HSD17B12: variants seen among roughly 807,000 people sequenced by gnomAD.
HSD17B12 encodes the protein very-long-chain 3-oxoacyl-CoA reductase.
In HSD17B12, 32 loss-of-function variants were observed where a neutral mutation model predicts 39.3. The ratio of observed to expected loss-of-function variants is 0.81; its 90% CI spans 0.61 to 1.09. HSD17B12 has a LOEUF of 1.09. HSD17B12 is among the 50% of genes least tolerant of loss of function. The pLI is 0.00. For synonymous variants in HSD17B12, 150 were observed against 146.7 expected, an observed-to-expected ratio of 1.02 and a Z score of -0.16; for missense variants, 342 against 382.9, an observed-to-expected ratio of 0.89 and a Z score of 0.89.
chr11:43,582,955 C>A, the HSD17B12 span, among the ~76,000 whole-genome samples: 1 of 152,332 alleles, frequency 6.6e-6, no homozygotes, highest in East Asian at 1.9e-4. Context: ...GGGGATTTTC[C>A]TCCCTGCCTC....
the HSD17B12 span, among the ~76,000 whole-genome samples, chr11:43,673,719 C>T: frequency 1.3e-5 from 2 of 151,286 alleles, no homozygotes; most frequent in South Asian, 2.1e-4. Context: ...GACAGGGTTT[C>T]GCTATATTGC....
chr11:43,832,332 A>G (rs1443156590), intron 7 of HSD17B12, among the ~76,000 whole-genome samples: 1 of 152,244 alleles, frequency 6.6e-6, no homozygotes, highest in African/African-American at 2.4e-5. Context: ...CCATTAAAAA[A>G]GAAACACTTA....
At chr11:43,594,142 A>C in the HSD17B12 span, among the ~76,000 whole-genome samples, 3 of 152,220 alleles carry the variant, frequency 2.0e-5, no homozygotes, top group Admixed American at 6.5e-5. Context: ...TTTCTGAGTC[A>C]TAACGATAGT....
intron 9 of HSD17B12, among the ~76,000 whole-genome samples, chr11:43,847,324 T>G (rs1365247189): frequency 6.6e-6 from 1 of 152,204 alleles, no homozygotes; most frequent in Non-Finnish European, 1.5e-5. Context: ...AACTTTCAGC[T>G]GCCCTGAAAA....
At chr11:43,694,135 T>G (rs1460327628) in intron 1 of HSD17B12, among the ~76,000 whole-genome samples, 1 of 152,232 alleles carries the variant, frequency 6.6e-6, no homozygotes, top group Non-Finnish European at 1.5e-5. Context: ...TCAAGTATTC[T>G]TGAATTATTT....
the HSD17B12 span, chr11:43,579,084 G>T: frequency 7.5e-6 from 1 of 133,626 alleles, no homozygotes; most frequent in East Asian, 2.8e-4. Flanking sequence ...GGGGGCGGGG[G>T]GGCACCAAAT....
chr11:43,782,328 T>C (rs1231397156), intron 3 of HSD17B12, among the ~76,000 whole-genome samples: 1 of 152,120 alleles, frequency 6.6e-6, no homozygotes, highest in Non-Finnish European at 1.5e-5. Context: ...TAACCAAACC[T>C]GGATAAATTG....
At chr11:43,687,808 G>C (rs1397837641) in intron 1 of HSD17B12, among the ~76,000 whole-genome samples, 2 of 152,238 alleles carry the variant, frequency 1.3e-5, no homozygotes, top group Non-Finnish European at 2.9e-5. Context: ...CGAATTTCTT[G>C]TTTCTATGAC....
At chr11:43,852,738 G>GA (rs1309526343) in intron 9 of HSD17B12, 1 of 152,116 alleles carries the variant, frequency 6.6e-6, no homozygotes, top group Admixed American at 6.5e-5. Flanking sequence ...GTCCTTAAAA[G>GA]ATGTGACAAA....
intron 3 of HSD17B12, among the ~76,000 whole-genome samples, chr11:43,775,202 G>T (rs1194431351): frequency 6.6e-6 from 1 of 152,200 alleles, no homozygotes; most frequent in Non-Finnish European, 1.5e-5. Flanking sequence ...CTTGAAAGTG[G>T]CGCCTGAGCC....
the HSD17B12 span, among the ~76,000 whole-genome samples, chr11:43,638,367 A>T: frequency 6.6e-6 from 1 of 152,196 alleles, no homozygotes; most frequent in Non-Finnish European, 1.5e-5. Flanking sequence ...CTTCAGTTTT[A>T]GAGTGATGTC....
At chr11:43,745,583 C>T (rs563156359) in intron 1 of HSD17B12, among the ~76,000 whole-genome samples, 3 of 152,074 alleles carry the variant, frequency 2.0e-5, no homozygotes, top group African/African-American at 7.2e-5. Context: ...CTGTTCATAC[C>T]TAGGTTATAT....
At chr11:43,678,887 C>A (rs1482692064), upstream of HSD17B12, among the ~76,000 whole-genome samples, 2 of 152,142 alleles carry the variant, frequency 1.3e-5, no homozygotes, top group Non-Finnish European at 1.5e-5. Context: ...CAGCTTTGTT[C>A]TTTTGGCTTA....
the HSD17B12 span, chr11:43,644,110 G>GC: frequency 2.6e-5 from 4 of 152,262 alleles, no homozygotes; most frequent in African/African-American, 9.6e-5. Flanking sequence ...GCAACAATTG[G>GC]CCGTTGGGAG....
At chr11:43,592,123 CT>C in the HSD17B12 span, among the ~76,000 whole-genome samples, 1 of 152,006 alleles carries the variant, frequency 6.6e-6, no homozygotes, top group African/African-American at 2.4e-5. Context: ...TTGATTTCAT[CT>C]CAAATTTTTT....
At chr11:43,617,442 T>G in the HSD17B12 span, among the ~76,000 whole-genome samples, 9 of 152,162 alleles carry the variant, frequency 5.9e-5, no homozygotes, top group African/African-American at 2.2e-4. Context: ...TCTAGGATGT[T>G]TGTTTCCACA....
chr11:43,639,956 G>T, the HSD17B12 span, among the ~76,000 whole-genome samples: 1 of 152,146 alleles, frequency 6.6e-6, no homozygotes, highest in Admixed American at 6.5e-5. Flanking sequence ...AATTGCCAGG[G>T]TCTGGCAAAT....
the HSD17B12 span, among the ~76,000 whole-genome samples, chr11:43,619,172 T>TATATC: frequency 3.8e-5 from 3 of 79,212 alleles, no homozygotes; most frequent in African/African-American, 1.3e-4. Flanking sequence ...ATGATATATA[T>TATATC]ATATATATAA....
intron 1 of HSD17B12, among the ~76,000 whole-genome samples, chr11:43,705,209 G>T (rs144698495): frequency 4.7e-4 from 71 of 152,310 alleles, no homozygotes; most frequent in African/African-American, 1.2e-3. Flanking sequence ...TCTCATTCCT[G>T]ATTATGCTGG....
Sources: allele counts gnomAD v4.1 joint callset (sites outside exome capture counted in the v4.1 genomes callset), GRCh38; gene constraint gnomAD v4.1.1; transcripts MANE v1.5; gene names NCBI Gene and HGNC (gene_info 2026-07-23, HGNC 2026-07-21).